The following SEMA6D variants were observed in gnomAD, a reference collection of about 807,000 sequenced individuals.
SEMA6D encodes semaphorin 6D.
SEMA6D carries 35 observed loss-of-function variants against 106.6 expected under a neutral mutation model. That is an observed-to-expected ratio of 0.33 (90% CI 0.25 to 0.44). The LOEUF is 0.44. Ranked by LOEUF, SEMA6D falls within the 20% of genes least tolerant of loss-of-function variation. SEMA6D has a pLI of 1.00. For missense variants in SEMA6D, 1,185 were observed against 1,345.9 expected (o/e 0.88, Z 1.87); for synonymous variants, 499 against 487.7 (o/e 1.02, Z -0.31).
intron 3 of SEMA6D, among the ~76,000 whole-genome samples, chr15:47,476,107 T>G (rs2042994789): frequency 6.6e-6 from 1 of 152,186 alleles, no homozygotes; most frequent in South Asian, 2.1e-4. Context: ...AGGTTGGGCA[T>G]TCTCAGCACA....
chr15:47,550,223 T>C (rs1253898920), intron 3 of SEMA6D, among the ~76,000 whole-genome samples: 1 of 152,182 alleles, frequency 6.6e-6, no homozygotes, highest in Admixed American at 6.6e-5. Flanking sequence ...GTTTATTTGG[T>C]TTGATGCAGG....
At chr15:47,756,447 C>G (rs28715473) in intron 1 of SEMA6D, among the ~76,000 whole-genome samples, 28,614 of 152,022 alleles carry the variant, frequency 0.19, 3,467 homozygotes, top group Non-Finnish European at 0.26. Context: ...TTAGATGCCT[C>G]ATACTGATTA....
At chr15:47,399,216 A>G (rs2040317666) in intron 1 of SEMA6D, among the ~76,000 whole-genome samples, 1 of 152,234 alleles carries the variant, frequency 6.6e-6, no homozygotes. Context: ...AAAAGAGGTT[A>G]AGTGATTTGC....
intron 4 of SEMA6D, among the ~76,000 whole-genome samples, chr15:47,707,118 GA>G (rs1276137272): frequency 6.6e-6 from 1 of 152,118 alleles, no homozygotes; most frequent in Non-Finnish European, 1.5e-5. Flanking sequence ...CCTCTGAAAT[GA>G]TCCACTCTCT....
intron 1 of SEMA6D, among the ~76,000 whole-genome samples, chr15:47,360,835 C>T (rs1325333035): frequency 6.6e-6 from 1 of 152,196 alleles, no homozygotes; most frequent in Non-Finnish European, 1.5e-5. Context: ...TATTATCAAA[C>T]ACTAAATCAC....
At chr15:47,304,759 T>C (rs1294648618) in intron 1 of SEMA6D, among the ~76,000 whole-genome samples, 1 of 152,200 alleles carries the variant, frequency 6.6e-6, no homozygotes, top group Non-Finnish European at 1.5e-5. Context: ...GTTGAAATTA[T>C]GAACAAGATT....
At chr15:47,391,868 A>G (rs1419269087) in intron 1 of SEMA6D, among the ~76,000 whole-genome samples, 1 of 152,102 alleles carries the variant, frequency 6.6e-6, no homozygotes, top group Non-Finnish European at 1.5e-5. Context: ...CCAGCTATTC[A>G]TATTTACACT....
chr15:47,738,301 T>C (rs771393089), intron 1 of SEMA6D, among the ~76,000 whole-genome samples: 1 of 152,194 alleles, frequency 6.6e-6, no homozygotes. Flanking sequence ...ATTTCCAGCT[T>C]CATCCATGTC....
chr15:47,714,547 T>A (rs1164227779), upstream of SEMA6D, among the ~76,000 whole-genome samples: 1 of 152,228 alleles, frequency 6.6e-6, no homozygotes, highest in Non-Finnish European at 1.5e-5. Context: ...TGCTTCAAAC[T>A]GGACTGTAAA....
At chr15:47,575,441 T>C (rs988769716) in intron 3 of SEMA6D, among the ~76,000 whole-genome samples, 1 of 151,964 alleles carries the variant, frequency 6.6e-6, no homozygotes, top group African/African-American at 2.4e-5. Context: ...GGCTGGCTAG[T>C]ATAAGAAGTC....
chr15:47,295,004 C>G (rs751832788), intron 1 of SEMA6D, among the ~76,000 whole-genome samples: 1 of 152,172 alleles, frequency 6.6e-6, no homozygotes, highest in Non-Finnish European at 1.5e-5. Context: ...ACCCTTTTAG[C>G]CTTAGCTTAG....
intron 3 of SEMA6D, among the ~76,000 whole-genome samples, chr15:47,571,863 ATCC>A (rs2046393397): frequency 1.3e-5 from 2 of 152,310 alleles, no homozygotes; most frequent in South Asian, 4.1e-4. Context: ...GTACATGTAC[ATCC>A]TTTAGTTCAT....
chr15:47,344,526 A>C (rs1441999811), intron 1 of SEMA6D, among the ~76,000 whole-genome samples: 1 of 152,152 alleles, frequency 6.6e-6, no homozygotes, highest in African/African-American at 2.4e-5. Context: ...AGACCAAGGA[A>C]GATCATGGTA....
chr15:47,322,307 T>C (rs1488453942), intron 1 of SEMA6D, among the ~76,000 whole-genome samples: 1 of 152,004 alleles, frequency 6.6e-6, no homozygotes, highest in Non-Finnish European at 1.5e-5. Flanking sequence ...CTAATGTCAT[T>C]TTTCAATTCT....
At chr15:47,216,377 G>T (rs937434162) in intron 1 of SEMA6D, among the ~76,000 whole-genome samples, 8 of 152,114 alleles carry the variant, frequency 5.3e-5, no homozygotes, top group African/African-American at 1.7e-4. Flanking sequence ...ATACTTGGTA[G>T]TATATTTAAA....
At chr15:47,567,464 T>C (rs1704427115) in intron 3 of SEMA6D, among the ~76,000 whole-genome samples, 1 of 152,200 alleles carries the variant, frequency 6.6e-6, no homozygotes, top group South Asian at 2.1e-4. Context: ...CATCTCAAAA[T>C]TGTTCTTTCT....
chr15:47,371,121 G>A (rs1252047141), intron 1 of SEMA6D, among the ~76,000 whole-genome samples: 4 of 152,150 alleles, frequency 2.6e-5, no homozygotes, highest in African/African-American at 9.7e-5. Flanking sequence ...GGACTCTCAT[G>A]TACTTTTCCT....
intron 1 of SEMA6D, among the ~76,000 whole-genome samples, chr15:47,756,488 G>C (rs1334664089): frequency 6.6e-6 from 1 of 152,080 alleles, no homozygotes; most frequent in Non-Finnish European, 1.5e-5. Context: ...AGCCTATGAA[G>C]TAATAAAGAT....
At chr15:47,451,978 G>A (rs746567252) in intron 2 of SEMA6D, among the ~76,000 whole-genome samples, 3 of 151,988 alleles carry the variant, frequency 2.0e-5, no homozygotes, top group Non-Finnish European at 2.9e-5. Context: ...GTTCACTCCA[G>A]TTCCCACCTG....
Sources: allele counts gnomAD v4.1 joint callset (sites outside exome capture counted in the v4.1 genomes callset), GRCh38; gene constraint gnomAD v4.1.1; transcripts MANE v1.5; gene names NCBI Gene and HGNC (gene_info 2026-07-23, HGNC 2026-07-21).